HEXD: variants seen among roughly 807,000 people sequenced by gnomAD.
HEXD encodes the protein hexosaminidase D.
Under a neutral mutation model 54.2 loss-of-function variants are expected in HEXD, and 47 were observed. The observed-to-expected ratio is 0.87, with a 90% CI of 0.69 to 1.11. HEXD has a LOEUF of 1.11. Ranked by LOEUF, HEXD falls within the 50% of genes least tolerant of loss-of-function variation. The probability of loss-of-function intolerance (pLI) is 0.00; values close to 1 mark genes in which losing one functional copy is unlikely to be tolerated. For synonymous variants in HEXD, 293 were observed against 287.6 expected, an observed-to-expected ratio of 1.02 and a Z score of -0.19; for missense variants, 576 against 649.2, an observed-to-expected ratio of 0.89 and a Z score of 1.23.
chr17:82,441,769 C>A (rs77314554), intron 11 of HEXD, 31 bp from the exon 12 acceptor site: 6 of 1,590,838 alleles, frequency 3.8e-6, no homozygotes, highest in Non-Finnish European at 5.2e-6. Context: ...CTTGGTAGCC[C>A]GCGGCACACC....
chr17:82,420,714 C>T (rs910426365), intron 2 of HEXD, among the ~76,000 whole-genome samples: 1 of 152,140 alleles, frequency 6.6e-6, no homozygotes, highest in Admixed American at 6.5e-5. Flanking sequence ...ATTACAGGTG[C>T]CTGCCACCAT....
chr17:82,440,581 A>G (rs2053904501), intron 9 of HEXD: 9 of 316,686 alleles, frequency 2.8e-5, no homozygotes, highest in South Asian at 2.4e-4. Flanking sequence ...CAAGTCGGAG[A>G]TTCGTCCACG....
intron 4 of HEXD, among the ~76,000 whole-genome samples, chr17:82,430,841 A>G (rs1456090089): frequency 6.7e-6 from 1 of 150,310 alleles, no homozygotes; most frequent in East Asian, 2.0e-4. Context: ...GTAGAGCTAC[A>G]TGCTTCTGGT....
chr17:82,424,590 G>T, intron 3 of HEXD, 87 bp downstream of exon 3: 1 of 857,876 alleles, frequency 1.2e-6, no homozygotes, highest in Non-Finnish European at 1.9e-6. Flanking sequence ...GCAACCTGGA[G>T]GTGCGGGTGG....
chr17:82,438,102 T>G (rs1459104756), intron 8 of HEXD, among the ~76,000 whole-genome samples: 2 of 152,074 alleles, frequency 1.3e-5, no homozygotes, highest in African/African-American at 4.8e-5. Flanking sequence ...CCTGGCGTGG[T>G]GGCACGCGCC....
At chr17:82,422,306 G>A (rs80267194) in intron 2 of HEXD, among the ~76,000 whole-genome samples, 8,315 of 152,110 alleles carry the variant, frequency 0.055, 411 homozygotes, top group African/African-American at 0.14. Flanking sequence ...AGAAGATGAC[G>A]GAAGCTGTGA....
chr17:82,435,665 C>T (rs756762610), intron 5 of HEXD, 24 bp from the exon 6 acceptor site: 4 of 1,595,080 alleles, frequency 2.5e-6, no homozygotes, highest in South Asian at 1.1e-5. Flanking sequence ...GCCAAGGCAA[C>T]CCCGTCCTGC....
In HEXD at chr17:82,439,713, G is replaced by T; in HGVS notation, c.982G>T (p.Gly328Ter). The change falls in exon 9 of 13, where the codon GGA (glycine) becomes TGA (stop). Residue 328 changes from glycine to a stop codon, truncating the protein, a stop_gained and splice_region_variant. Transcript: ENST00000327949. LOFTEE classifies it high-confidence loss of function. ...CGCCTGCCTGCAGTTGCTTCTACGC[G>T]GTATGTCTGGTCTGGCCACCCCAAG... ...LAACLQLLLR[G>*]GFDEDVKAKV... is the part of the protein sequence containing the mutation. 1 of 1,599,800 alleles carries T rather than the reference G, an allele frequency of 6.3e-7. No individual in the cohort carries two copies. Among genetic ancestry groups the T allele is most frequent in the Non-Finnish European group, 8.5e-7 (1 of 1,179,614 alleles).
At chr17:82,437,111 C>T (rs1458576640) in intron 7 of HEXD, 57 bp from the exon 8 acceptor site, 13 of 1,463,946 alleles carry the variant, frequency 8.9e-6, no homozygotes, top group Non-Finnish European at 1.2e-5. Context: ...GAGGCGTGTC[C>T]AGGGCCGTGT....
intron 4 of HEXD, among the ~76,000 whole-genome samples, chr17:82,429,069 G>C (rs2053502678): frequency 6.6e-6 from 1 of 152,094 alleles, no homozygotes; most frequent in Non-Finnish European, 1.5e-5. Context: ...AGACCAGCCT[G>C]ACCAACATGG....
Position 82,434,575 on chromosome 17 carries a change from C to T in HEXD, c.447+753C>T, listed in dbSNP as rs1033188387. ...AATATAGGCTGGGTGTGGTGGCTCA[C>T]GCCTGTAATCCCAGCACTTTGGGAG... is the stretch of plus-strand genomic sequence containing the variant. On this transcript the variant is annotated intron_variant, in intron 5 of 12. Coordinates refer to ENST00000327949, the MANE Select transcript of HEXD (RefSeq NM_001330542.2). The surrounding 1 kb of genome is among the most constrained non-coding windows in gnomAD (Gnocchi z 4.5). 3.3e-5 allele frequency among the ~76,000 whole-genome samples: 5 copies of T among 152,196 alleles called. No individual in the cohort carries two copies. Among genetic ancestry groups the T allele is most frequent in the African/African-American group, 9.7e-5 (4 of 41,440 alleles).
intron 4 of HEXD, among the ~76,000 whole-genome samples, chr17:82,431,559 G>A (rs887125837): frequency 6.6e-6 from 1 of 151,422 alleles, no homozygotes; most frequent in African/African-American, 2.4e-5. Flanking sequence ...GGATTACAGC[G>A]CCCGCCACCA....
chr17:82,422,855 G>C lies in HEXD; in HGVS notation c.85-1539G>C, dbSNP rs188697747. ...GTGGATCACCTGAGGTCAGGAGTTC[G>C]AGACCAGCCTGACCAACATGGTGAA... On this transcript the variant is annotated intron_variant, in intron 2 of 12. Transcript: ENST00000327949. Among the ~76,000 whole-genome samples the C allele has an allele frequency of 7.5e-3, 1,145 of 152,174 alleles. 17 individuals are homozygous for C. The highest frequency in any genetic ancestry group is 0.039 in the South Asian group (188 of 4,826).
rs181002346 is a variant in HEXD at position 82,420,624 on chromosome 17, A to G, written c.84+741A>G. Reference sequence around the variant, plus strand: ...GCTCTGTCATCCAGGCTGGAGTACAATGGCGCAGTCTCGGCTTACTGCAAC... The same window carrying G: ...GCTCTGTCATCCAGGCTGGAGTACAGTGGCGCAGTCTCGGCTTACTGCAAC... On this transcript the variant is annotated intron_variant, in intron 2 of 12. Coordinates refer to ENST00000327949, the MANE Select transcript of HEXD (RefSeq NM_001330542.2). Among the ~76,000 whole-genome samples the G allele has an allele frequency of 3.9e-5, 6 of 152,286 alleles. No individual in the cohort carries two copies. In the East Asian group the frequency reaches 9.6e-4, roughly 24 times the overall value.
rs369593593 is a variant in HEXD, at chr17:82,439,688, C to T, written c.957C>T (p.Ala319=). 3.6e-5 allele frequency: 57 copies of T among 1,599,036 alleles called. No individual in the cohort carries two copies. The highest frequency in any genetic ancestry group is 2.5e-5 in the Non-Finnish European group (29 of 1,178,386). The change falls in exon 9 of 13, where the codon GCC becomes GCT. Residue 319 remains alanine, a synonymous_variant. Coordinates refer to ENST00000327949, the MANE Select transcript of HEXD (RefSeq NM_001330542.2). Reference sequence around the variant, plus strand: ...TGCCCGCAGGAGTCCCGTCCCTGGCCGCCTGCCTGCAGTTGCTTCTACGCG... The same window carrying T: ...TGCCCGCAGGAGTCCCGTCCCTGGCTGCCTGCCTGCAGTTGCTTCTACGCG... ...ELLPAGVPSL[A]ACLQLLLRGG...
At chr17:82,422,190 A>T (rs2053256168) in intron 2 of HEXD, among the ~76,000 whole-genome samples, 1 of 151,338 alleles carries the variant, frequency 6.6e-6, no homozygotes, top group South Asian at 2.1e-4. Context: ...AAGAAAAAAG[A>T]AGATGATCTG....
chr17:82,429,865 C>T (rs2053527672), intron 4 of HEXD, among the ~76,000 whole-genome samples: 1 of 152,182 alleles, frequency 6.6e-6, no homozygotes, highest in South Asian at 2.1e-4. Flanking sequence ...TCGTCTTCCT[C>T]TTCCTCTTCT....
chr17:82,438,482 G>A (rs1352508764), intron 8 of HEXD, among the ~76,000 whole-genome samples: 1 of 152,224 alleles, frequency 6.6e-6, no homozygotes, highest in Admixed American at 6.5e-5. Flanking sequence ...CCATGAAGGA[G>A]CTGGGCCTCC....
chr17:82,429,723 T>G (rs971666270), intron 4 of HEXD, among the ~76,000 whole-genome samples: 2 of 152,144 alleles, frequency 1.3e-5, no homozygotes, highest in Admixed American at 1.3e-4. Context: ...TGACTGCACC[T>G]CCTCGATATC....
Sources: gnomAD v4.1 joint callset for allele counts (sites outside exome capture counted in the v4.1 genomes callset) on GRCh38, gnomAD v4.1.1 for gene constraint, Gnocchi (gnomAD v3.1) non-coding constraint, MANE v1.5 for transcripts, NCBI Gene and HGNC (gene_info 2026-07-23, HGNC 2026-07-21) for gene names.